ZFYVE28: variants seen among roughly 807,000 people sequenced by gnomAD.
The protein encoded by ZFYVE28 is zinc finger FYVE-type containing 28.
ZFYVE28 carries 40 observed loss-of-function variants against 82.1 expected under a neutral mutation model. The ratio of observed to expected loss-of-function variants is 0.49; its 90% CI spans 0.38 to 0.63. The LOEUF is 0.63. Ranked by LOEUF, ZFYVE28 falls within the 30% of genes least tolerant of loss-of-function variation. The pLI is 0.00. For missense variants in ZFYVE28, 1,321 were observed against 1,242.1 expected (o/e 1.06, Z -0.96); for synonymous variants, 612 against 546.1 (o/e 1.12, Z -1.68).
intron 1 of ZFYVE28, among the ~76,000 whole-genome samples, chr4:2,370,655 T>G (rs886838963): frequency 3.3e-5 from 5 of 152,198 alleles, no homozygotes; most frequent in African/African-American, 1.2e-4. Flanking sequence ...CCCACCATCC[T>G]GGGCATCACT....
intron 8 of ZFYVE28, among the ~76,000 whole-genome samples, chr4:2,276,451 G>A (rs888147501): frequency 2.6e-5 from 4 of 152,138 alleles, no homozygotes; most frequent in African/African-American, 9.7e-5. Flanking sequence ...GCTTCCACTC[G>A]GTACCCCCAG....
chr4:2,368,971 C>T (rs755946675), intron 1 of ZFYVE28, among the ~76,000 whole-genome samples: 84 of 152,340 alleles, frequency 5.5e-4, no homozygotes, highest in Non-Finnish European at 8.8e-4. Flanking sequence ...ATGTCTTCGC[C>T]AACACTTGTT....
intron 1 of ZFYVE28, among the ~76,000 whole-genome samples, chr4:2,402,368 C>A (rs571454489): frequency 3.3e-5 from 5 of 152,224 alleles, no homozygotes; most frequent in African/African-American, 1.2e-4. Context: ...CCGCCCCGCC[C>A]GCTGCAGGAG....
rs79484746 is a variant in ZFYVE28, at chr4:2,270,129, C to T, written c.*596G>A. The T allele has an allele frequency of 0.033, 5,149 of 154,274 alleles. 128 individuals are homozygous for T. The highest frequency in any genetic ancestry group is 0.07 in the Middle Eastern group (21 of 298). The allele number at this position is 154,274 out of a possible 1,614,324, so 9.6% of individuals were successfully genotyped here. On this transcript the variant is annotated 3_prime_UTR_variant, in exon 13 of 13. Coordinates refer to ENST00000290974, the MANE Select transcript of ZFYVE28 (RefSeq NM_020972.3). ...CTAGAGGACCACTGGGTCAGCTTCC[C>T]GCATCTCCCCACTCCAAGAAGAAAT...
At chr4:2,340,686 T>G (rs1241999196) in intron 3 of ZFYVE28, among the ~76,000 whole-genome samples, 1 of 151,928 alleles carries the variant, frequency 6.6e-6, no homozygotes, top group African/African-American at 2.4e-5. Context: ...CAGGACCCAC[T>G]CCACGGAGGT....
intron 1 of ZFYVE28, among the ~76,000 whole-genome samples, chr4:2,415,549 T>C (rs1732952650): frequency 6.6e-6 from 1 of 152,072 alleles, no homozygotes; most frequent in South Asian, 2.1e-4. Flanking sequence ...AAAAATTCAG[T>C]TTGAATTGTA....
At chr4:2,331,946 C>G (rs935478884) in intron 6 of ZFYVE28, among the ~76,000 whole-genome samples, 10 of 152,226 alleles carry the variant, frequency 6.6e-5, no homozygotes, top group South Asian at 2.1e-4. Flanking sequence ...ATAGCAGGCT[C>G]TGACCCTCGG....
Position 2,341,728 on chromosome 4 carries a change from T to G in ZFYVE28, c.181-113A>C. ...TGACTGTTTTTTAGGATTATTAAAGTGATAGAGGAGGCTAGGCACGGTGGC... is the reference window on the plus strand; with the variant it reads ...TGACTGTTTTTTAGGATTATTAAAGGGATAGAGGAGGCTAGGCACGGTGGC... On this transcript the variant is annotated intron_variant, in intron 2 of 12. Transcript: ENST00000290974. The surrounding 1 kb of genome is among the most constrained non-coding windows in gnomAD (Gnocchi z 4.5). 6.9e-7 allele frequency: 1 copy of G among 1,459,334 alleles called. No individual in the cohort carries two copies. Among genetic ancestry groups the G allele is most frequent in the Non-Finnish European group, 9.3e-7 (1 of 1,074,164 alleles). 90.4% of individuals were successfully genotyped at this position (1,459,334 alleles called of 1,614,324 possible).
intron 8 of ZFYVE28, among the ~76,000 whole-genome samples, chr4:2,290,408 G>A (rs554392961): frequency 1.3e-5 from 2 of 152,314 alleles, no homozygotes; most frequent in East Asian, 3.9e-4. Flanking sequence ...CAGGCCCCAA[G>A]GGCCACTTTG....
At chr4:2,323,334 A>T (rs1255494901) in intron 6 of ZFYVE28, among the ~76,000 whole-genome samples, 1 of 152,164 alleles carries the variant, frequency 6.6e-6, no homozygotes, top group Non-Finnish European at 1.5e-5. Flanking sequence ...CCTGTTGGCC[A>T]TGTGTATATC....
At chr4:2,290,086 G>A (rs1713374772) in intron 8 of ZFYVE28, among the ~76,000 whole-genome samples, 1 of 152,294 alleles carries the variant, frequency 6.6e-6, no homozygotes, top group East Asian at 1.9e-4. Flanking sequence ...GCAGCGTGAT[G>A]GCAGGCCCCG....
chr4:2,335,209 C>G lies in ZFYVE28; in HGVS notation c.701+496G>C, dbSNP rs2108853712. On this transcript the variant is annotated intron_variant, in intron 6 of 12. Coordinates refer to ENST00000290974, the MANE Select transcript of ZFYVE28 (RefSeq NM_020972.3). The surrounding 1 kb of genome is among the most constrained non-coding windows in gnomAD (Gnocchi z 5.8). ...GTATTCCATCAGCCAGACCAACTGC[C>G]CCCACCTGCCCTTCAACCCAATGTG... Among the ~76,000 whole-genome samples, 1 of 152,120 alleles carries G rather than the reference C, an allele frequency of 6.6e-6. No individual in the cohort carries two copies. The highest frequency in any genetic ancestry group is 2.4e-5 in the African/African-American group (1 of 41,516).
At chr4:2,356,552 G>A (rs1725360692) in intron 1 of ZFYVE28, among the ~76,000 whole-genome samples, 1 of 152,214 alleles carries the variant, frequency 6.6e-6, no homozygotes, top group Admixed American at 6.5e-5. Context: ...CACCACTGCT[G>A]TGTCCCTGCA....
intron 1 of ZFYVE28, among the ~76,000 whole-genome samples, chr4:2,407,880 C>G (rs1310540295): frequency 6.6e-6 from 1 of 152,236 alleles, no homozygotes; most frequent in Non-Finnish European, 1.5e-5. Flanking sequence ...GCCACTGTGC[C>G]TGGCCTGCCT....
chr4:2,306,722 A>G (rs932689215), intron 7 of ZFYVE28, among the ~76,000 whole-genome samples: 2 of 152,226 alleles, frequency 1.3e-5, no homozygotes, highest in African/African-American at 4.8e-5. Context: ...TGTTTATCTG[A>G]AATTCTAACT....
At chr4:2,337,774 G>T (rs185692694) in intron 4 of ZFYVE28, among the ~76,000 whole-genome samples, 2 of 152,200 alleles carry the variant, frequency 1.3e-5, no homozygotes, top group Non-Finnish European at 2.9e-5. Context: ...GGGAGGCTGA[G>T]GTGGGAGGAT....
At chr4:2,291,040 T>A (rs981276624) in intron 8 of ZFYVE28, among the ~76,000 whole-genome samples, 1 of 152,246 alleles carries the variant, frequency 6.6e-6, no homozygotes, top group Non-Finnish European at 1.5e-5. Context: ...CCTGCACGTG[T>A]GCTCCTGCCC....
intron 1 of ZFYVE28, among the ~76,000 whole-genome samples, chr4:2,371,133 G>T (rs995987195): frequency 2.0e-5 from 3 of 152,206 alleles, no homozygotes; most frequent in Admixed American, 6.5e-5. Flanking sequence ...AAGATGGGGA[G>T]CTCACGTGGG....
intron 7 of ZFYVE28, among the ~76,000 whole-genome samples, chr4:2,317,189 T>C (rs1420750431): frequency 1.3e-5 from 2 of 152,092 alleles, no homozygotes; most frequent in Non-Finnish European, 2.9e-5. Context: ...GGTTTTGCCA[T>C]GTTGGCTGGG....
Sources: gnomAD v4.1 joint callset for allele counts (sites outside exome capture counted in the v4.1 genomes callset) on GRCh38, gnomAD v4.1.1 for gene constraint, Gnocchi (gnomAD v3.1) non-coding constraint, MANE v1.5 for transcripts, NCBI Gene and HGNC (gene_info 2026-07-23, HGNC 2026-07-21) for gene names.